Variants in NR3C2 observed in about 807,000 individuals in gnomAD.
NR3C2 encodes mineralocorticoid receptor.
NR3C2 carries 15 observed loss-of-function variants against 86.4 expected under a neutral mutation model. The observed-to-expected ratio is 0.17, with a 90% CI of 0.12 to 0.27. The LOEUF is 0.27. NR3C2 is among the 10% of genes least tolerant of loss of function. The pLI, the probability that NR3C2 is intolerant of heterozygous loss-of-function variation, is 1.00. For synonymous variants in NR3C2, 458 were observed against 450.5 expected (o/e 1.02, Z -0.21); for missense variants, 960 against 1,195.6 (o/e 0.80, Z 2.91).
chr4:148,119,413 C>G (rs997004161), intron 7 of NR3C2, among the ~76,000 whole-genome samples: 3 of 152,180 alleles, frequency 2.0e-5, no homozygotes, highest in African/African-American at 7.2e-5. Context: ...TCCCAGATCC[C>G]CAGAACTGAA....
intron 2 of NR3C2, among the ~76,000 whole-genome samples, chr4:148,284,989 A>G (rs887679671): frequency 6.6e-6 from 1 of 152,186 alleles, no homozygotes; most frequent in African/African-American, 2.4e-5. Context: ...GCAGGGACAG[A>G]CTTGAATCTA....
intron 6 of NR3C2, among the ~76,000 whole-genome samples, chr4:148,132,418 T>C (rs1023082550): frequency 1.3e-5 from 2 of 152,140 alleles, no homozygotes; most frequent in Non-Finnish European, 2.9e-5. Flanking sequence ...GAGCAAACTA[T>C]AGGAGATTAA....
At chr4:148,392,200 C>T (rs551995581) in intron 2 of NR3C2, among the ~76,000 whole-genome samples, 3 of 152,048 alleles carry the variant, frequency 2.0e-5, no homozygotes, top group Non-Finnish European at 2.9e-5. Flanking sequence ...CAAATATTAA[C>T]AAAGAAGCTT....
intron 2 of NR3C2, among the ~76,000 whole-genome samples, chr4:148,376,661 G>A (rs1347296829): frequency 1.3e-5 from 2 of 152,126 alleles, no homozygotes; most frequent in East Asian, 3.8e-4. Context: ...ATGATGTTTG[G>A]CAGTACAGGT....
chr4:148,104,209 T>C (rs1301290182), intron 8 of NR3C2, among the ~76,000 whole-genome samples: 1 of 152,160 alleles, frequency 6.6e-6, no homozygotes, highest in Non-Finnish European at 1.5e-5. Context: ...CCCTTAGCAA[T>C]TGTTCCATTA....
At chr4:148,371,800 T>C (rs897659774) in intron 2 of NR3C2, among the ~76,000 whole-genome samples, 2 of 152,138 alleles carry the variant, frequency 1.3e-5, no homozygotes, top group African/African-American at 4.8e-5. Flanking sequence ...AAATTATATA[T>C]ATTACACACA....
intron 2 of NR3C2, among the ~76,000 whole-genome samples, chr4:148,409,430 A>T (rs2126561759): frequency 6.6e-6 from 1 of 152,256 alleles, no homozygotes; most frequent in East Asian, 1.9e-4. Flanking sequence ...ACCTTCAAGG[A>T]TAGTCACATG....
chr4:148,101,986 C>T (rs1362616454), intron 8 of NR3C2, among the ~76,000 whole-genome samples: 1 of 152,146 alleles, frequency 6.6e-6, no homozygotes, highest in Non-Finnish European at 1.5e-5. Flanking sequence ...ATCCACTATT[C>T]TTCACAACCA....
intron 2 of NR3C2, among the ~76,000 whole-genome samples, chr4:148,391,813 G>A (rs903007728): frequency 3.4e-5 from 5 of 147,838 alleles, no homozygotes; most frequent in East Asian, 2.0e-4. Flanking sequence ...GATGCAGTGA[G>A]CCAAGATTGG....
intron 6 of NR3C2, among the ~76,000 whole-genome samples, chr4:148,124,470 T>G (rs79502608): frequency 1.3e-5 from 2 of 152,340 alleles, no homozygotes; most frequent in Non-Finnish European, 2.9e-5. Flanking sequence ...GTCATTCTCC[T>G]GAAGGTAGCC....
intron 2 of NR3C2, among the ~76,000 whole-genome samples, chr4:148,308,711 G>A (rs538677244): frequency 1.1e-4 from 16 of 152,180 alleles, no homozygotes; most frequent in African/African-American, 3.4e-4. Context: ...ATGTTTCCAG[G>A]CCAGGCTTAG....
intron 2 of NR3C2, among the ~76,000 whole-genome samples, chr4:148,338,356 T>C (rs1744592144): frequency 6.6e-6 from 1 of 152,170 alleles, no homozygotes; most frequent in South Asian, 2.1e-4. Context: ...TGGTAAAATA[T>C]TTAAAGAGCT....
chr4:148,254,931 C>G (rs987868796), intron 3 of NR3C2, among the ~76,000 whole-genome samples: 8 of 152,110 alleles, frequency 5.3e-5, no homozygotes, highest in Non-Finnish European at 1.2e-4. Context: ...ATTCCCCCTA[C>G]TTTATCAGTT....
intron 3 of NR3C2, among the ~76,000 whole-genome samples, chr4:148,220,652 T>C (rs1239062380): frequency 6.6e-6 from 1 of 152,064 alleles, no homozygotes. Flanking sequence ...CAATTAAAAA[T>C]TAGCCAGGTG....
At chr4:148,263,672 A>AACGCTTAACCTT (rs1281270758) in intron 2 of NR3C2, among the ~76,000 whole-genome samples, 1 of 152,158 alleles carries the variant, frequency 6.6e-6, no homozygotes, top group East Asian at 1.9e-4. Flanking sequence ...GTCTAATCAT[A>AACGCTTAACCTT]ATGCTTAACC....
At chr4:148,193,072 CCT>C (rs2149801334) in intron 4 of NR3C2, among the ~76,000 whole-genome samples, 1 of 152,324 alleles carries the variant, frequency 6.6e-6, no homozygotes, top group African/African-American at 2.4e-5. Context: ...ACCCCCTGCT[CCT>C]CTGGCCACCC....
At chr4:148,363,879 T>C (rs991301674) in intron 2 of NR3C2, among the ~76,000 whole-genome samples, 3 of 152,154 alleles carry the variant, frequency 2.0e-5, no homozygotes, top group Non-Finnish European at 4.4e-5. Flanking sequence ...TCAAACTGTA[T>C]TCAGTCTCTC....
At chr4:148,348,648 C>T (rs1382977847) in intron 2 of NR3C2, among the ~76,000 whole-genome samples, 1 of 152,106 alleles carries the variant, frequency 6.6e-6, no homozygotes, top group Non-Finnish European at 1.5e-5. Flanking sequence ...ACAGAGGTGT[C>T]ATTGGGGAGC....
intron 2 of NR3C2, among the ~76,000 whole-genome samples, chr4:148,289,498 CA>C (rs1288362504): frequency 3.9e-5 from 6 of 152,182 alleles, no homozygotes; most frequent in Non-Finnish European, 8.8e-5. Context: ...CAGGTTGTTA[CA>C]TTTGTACTTA....
Sources: allele counts gnomAD v4.1 joint callset (sites outside exome capture counted in the v4.1 genomes callset), GRCh38; gene constraint gnomAD v4.1.1; transcripts MANE v1.5; gene names NCBI Gene and HGNC (gene_info 2026-07-23, HGNC 2026-07-21).